The following LSAMP variants were observed in gnomAD, a reference collection of about 807,000 sequenced individuals.
The protein encoded by LSAMP is limbic system associated membrane protein.
A neutral mutation model predicts 38.6 loss-of-function variants in LSAMP; 7 were observed. The ratio of observed to expected loss-of-function variants is 0.18; its 90% CI spans 0.10 to 0.34. The LOEUF (loss-of-function observed/expected upper bound fraction) is 0.34, where lower values mean the gene tolerates loss of function less well. Ranked by LOEUF, LSAMP falls within the 10% of genes least tolerant of loss-of-function variation. LSAMP has a pLI of 1.00. For synonymous variants in LSAMP, 154 were observed against 166.8 expected (o/e 0.92, Z 0.59); for missense variants, 313 against 420.0 (o/e 0.75, Z 2.23).
intron 1 of LSAMP, among the ~76,000 whole-genome samples, chr3:116,193,706 T>C (rs1710809546): frequency 6.6e-6 from 1 of 152,126 alleles, no homozygotes; most frequent in Admixed American, 6.5e-5. Context: ...AGACCAGAAA[T>C]CCTGGCCACC....
chr3:116,305,933 C>T (rs1185216702), intron 1 of LSAMP, among the ~76,000 whole-genome samples: 1 of 143,948 alleles, frequency 6.9e-6, no homozygotes. Context: ...TATTTCAGTG[C>T]TTTTTTTTTT....
chr3:116,210,381 A>C (rs1399590327), intron 1 of LSAMP, among the ~76,000 whole-genome samples: 1 of 152,194 alleles, frequency 6.6e-6, no homozygotes, highest in Non-Finnish European at 1.5e-5. Flanking sequence ...AGTCAGGAGA[A>C]GGTGGAAGAG....
intron 3 of LSAMP, among the ~76,000 whole-genome samples, chr3:115,969,727 T>C (rs1351359870): frequency 6.6e-6 from 1 of 152,224 alleles, no homozygotes; most frequent in Non-Finnish European, 1.5e-5. Context: ...ACTAGTGAGC[T>C]AGATATTATT....
rs1010439468 is a variant in LSAMP, at chr3:116,334,223, T to C, written c.155+110654A>G. ...AAAGTAGAAAATTTGAATAGATCTATAACTAGCAAGGATATTAAGTTAGTA... is the reference window on the plus strand; with the variant it reads ...AAAGTAGAAAATTTGAATAGATCTACAACTAGCAAGGATATTAAGTTAGTA... On this transcript the variant is annotated intron_variant, in intron 1 of 6. Coordinates refer to ENST00000490035, the MANE Select transcript of LSAMP (RefSeq NM_002338.5). Among the ~76,000 whole-genome samples the C allele has an allele frequency of 2.0e-4, 30 of 152,074 alleles. 2 individuals are homozygous for C. Among genetic ancestry groups the C allele is most frequent in the Admixed American group, 1.3e-3 (20 of 15,252 alleles).
chr3:116,003,302 C>T (rs1576298850), intron 3 of LSAMP, among the ~76,000 whole-genome samples: 2 of 152,204 alleles, frequency 1.3e-5, no homozygotes, highest in Admixed American at 6.5e-5. Context: ...TATCTAATAC[C>T]TTTGACTTTA....
chr3:115,929,462 A>T (rs1001158997), intron 3 of LSAMP, among the ~76,000 whole-genome samples: 1 of 152,000 alleles, frequency 6.6e-6, no homozygotes, highest in African/African-American at 2.4e-5. Flanking sequence ...TGGAGAAAAT[A>T]AAAAAAATTC....
At chr3:116,088,383 CA>C (rs1428936312) in intron 1 of LSAMP, among the ~76,000 whole-genome samples, 2 of 152,046 alleles carry the variant, frequency 1.3e-5, no homozygotes, top group Non-Finnish European at 2.9e-5. Context: ...TCATGAGCAC[CA>C]AGCTAACTTC....
chr3:116,385,218 C>T (rs2048609587), intron 1 of LSAMP, among the ~76,000 whole-genome samples: 1 of 152,018 alleles, frequency 6.6e-6, no homozygotes, highest in Admixed American at 6.6e-5. Flanking sequence ...TGAAATCAGC[C>T]ACATCACCTT....
intron 3 of LSAMP, among the ~76,000 whole-genome samples, chr3:115,925,639 A>AT (rs1282682221): frequency 1.3e-5 from 2 of 152,188 alleles, no homozygotes; most frequent in Non-Finnish European, 2.9e-5. Flanking sequence ...AGTGTAACTA[A>AT]TATGAACTGA....
intron 3 of LSAMP, among the ~76,000 whole-genome samples, chr3:115,929,459 A>T (rs1157210409): frequency 6.6e-6 from 1 of 152,142 alleles, no homozygotes; most frequent in Non-Finnish European, 1.5e-5. Flanking sequence ...AAGTGGAGAA[A>T]ATAAAAAAAA....
intron 1 of LSAMP, among the ~76,000 whole-genome samples, chr3:116,091,127 C>G (rs188907255): frequency 6.6e-6 from 1 of 152,192 alleles, no homozygotes; most frequent in Non-Finnish European, 1.5e-5. Context: ...CCCCCAGGTG[C>G]GCATTCTCTT....
At chr3:116,322,405 C>G (rs567150347) in intron 1 of LSAMP, among the ~76,000 whole-genome samples, 1 of 152,226 alleles carries the variant, frequency 6.6e-6, no homozygotes, top group East Asian at 1.9e-4. Flanking sequence ...CCAGGAACAT[C>G]CAAACATTTT....
At chr3:116,053,041 A>G (rs1941424676) in intron 2 of LSAMP, among the ~76,000 whole-genome samples, 1 of 152,236 alleles carries the variant, frequency 6.6e-6, no homozygotes, top group Non-Finnish European at 1.5e-5. Flanking sequence ...CAGTGGCACC[A>G]GCCATCACCT....
chr3:116,111,068 G>A (rs551294964), intron 1 of LSAMP, among the ~76,000 whole-genome samples: 24 of 152,282 alleles, frequency 1.6e-4, no homozygotes, highest in Middle Eastern at 3.4e-3. Context: ...ACTCAGTTAA[G>A]GTGGGGCAGG....
At chr3:116,119,737 C>T (rs1308870230) in intron 1 of LSAMP, among the ~76,000 whole-genome samples, 1 of 151,180 alleles carries the variant, frequency 6.6e-6, no homozygotes, top group African/African-American at 2.4e-5. Context: ...CGGCTCACTG[C>T]AACCTTTGCC....
intron 3 of LSAMP, among the ~76,000 whole-genome samples, chr3:115,997,515 T>A (rs1240385011): frequency 6.6e-6 from 1 of 151,250 alleles, no homozygotes; most frequent in Non-Finnish European, 1.5e-5. Flanking sequence ...GAGGCCTTAA[T>A]GATGAAAAGA....
At chr3:116,080,506 G>A (rs1182182440) in intron 2 of LSAMP, among the ~76,000 whole-genome samples, 1 of 152,210 alleles carries the variant, frequency 6.6e-6, no homozygotes, top group Non-Finnish European at 1.5e-5. Context: ...AATTATGCTT[G>A]GATGGGATTG....
intron 1 of LSAMP, among the ~76,000 whole-genome samples, chr3:116,374,580 C>T (rs1340691497): frequency 6.6e-6 from 1 of 151,862 alleles, no homozygotes; most frequent in Non-Finnish European, 1.5e-5. Flanking sequence ...CTGCACTTTA[C>T]CTACTGGATT....
intron 1 of LSAMP, among the ~76,000 whole-genome samples, chr3:116,201,624 A>G (rs552757422): frequency 6.6e-6 from 1 of 152,230 alleles, no homozygotes; most frequent in East Asian, 1.9e-4. Flanking sequence ...TTACTTCTGT[A>G]AAAGGAGAAT....
Sources: allele counts gnomAD v4.1 joint callset (sites outside exome capture counted in the v4.1 genomes callset), GRCh38; gene constraint gnomAD v4.1.1; transcripts MANE v1.5; gene names NCBI Gene and HGNC (gene_info 2026-07-23, HGNC 2026-07-21).